The following TBC1D8 variants were observed in gnomAD, a reference collection of about 807,000 sequenced individuals.
TBC1D8 encodes BUB2-like protein 1.
Under a neutral mutation model 118.8 loss-of-function variants are expected in TBC1D8, and 65 were observed. The ratio of observed to expected loss-of-function variants is 0.55; its 90% CI spans 0.45 to 0.67. The LOEUF is 0.67. TBC1D8 is among the 30% of genes least tolerant of loss of function. TBC1D8 has a pLI of 0.00. For synonymous variants in TBC1D8, 566 were observed against 595.8 expected (o/e 0.95, Z 0.73); for missense variants, 1,376 against 1,471.2 (o/e 0.94, Z 1.06).
chr2:101,017,416 G>A (rs1573870338), intron 17 of TBC1D8, among the ~76,000 whole-genome samples: 1 of 152,288 alleles, frequency 6.6e-6, no homozygotes, highest in East Asian at 1.9e-4. Flanking sequence ...AACGGCAATA[G>A]AGTTGTTTAC....
In TBC1D8 at chr2:101,033,639, C is replaced by G. The variant is rs766371074; in HGVS notation, c.1723G>C (p.Glu575Gln). The G allele has an allele frequency of 6.2e-7, 1 of 1,613,984 alleles. No individual in the cohort carries two copies. Among genetic ancestry groups the G allele is most frequent in the Admixed American group, 1.7e-5 (1 of 60,030 alleles). Residue 575 changes from glutamate to glutamine, a missense_variant, in exon 10 of 20, where the codon GAG (glutamate) becomes CAG (glutamine). Coordinates refer to ENST00000409318, the MANE Select transcript of TBC1D8 (RefSeq NM_001330348.2). ...GTTTCGTTCTGGAAGGCGGGGTGCT[C>G]TGGCAGGGAGCGGTGCAGGTCTCGT... ...IERDLHRSLP[E>Q]HPAFQNETGI...
Position 101,015,767 on chromosome 2 carries a change from C to T in TBC1D8, c.2828-4227G>A, listed in dbSNP as rs560037529. On this transcript the variant is annotated intron_variant, in intron 17 of 19. Coordinates refer to ENST00000409318, the MANE Select transcript of TBC1D8 (RefSeq NM_001330348.2). ...AGAACAGAGCCCTCAGAAACAACGC[C>T]GCATATCCACAACTACATGATCTTT... 3.3e-5 allele frequency among the ~76,000 whole-genome samples: 5 copies of T among 152,106 alleles called. No individual in the cohort carries two copies. In the South Asian group the frequency reaches 6.2e-4, roughly 19 times the overall value.
At chr2:101,129,001 T>C (rs1678470808) in intron 1 of TBC1D8, among the ~76,000 whole-genome samples, 1 of 152,172 alleles carries the variant, frequency 6.6e-6, no homozygotes, top group Admixed American at 6.5e-5. Context: ...TTAGAGAAGA[T>C]GAAAAAGTTC....
At chr2:101,053,933 C>G (rs1682221992) in intron 4 of TBC1D8, among the ~76,000 whole-genome samples, 175 bp downstream of exon 4, 1 of 152,202 alleles carries the variant, frequency 6.6e-6, no homozygotes, top group Non-Finnish European at 1.5e-5. Context: ...AGTGAATTCT[C>G]CAGATCTAAT....
chr2:101,075,258 C>T (rs975560916), intron 2 of TBC1D8, among the ~76,000 whole-genome samples: 1 of 151,982 alleles, frequency 6.6e-6, no homozygotes, highest in South Asian at 2.1e-4. Context: ...ATTAGCCAGG[C>T]GTGGTGGCAC....
chr2:101,090,111 G>A (rs1455370288), intron 2 of TBC1D8, 98 bp downstream of exon 2: 59 of 1,341,138 alleles, frequency 4.4e-5, no homozygotes, highest in Non-Finnish European at 5.7e-5. Flanking sequence ...AGATGAGGGA[G>A]TTATCCAAAG....
intron 1 of TBC1D8, among the ~76,000 whole-genome samples, chr2:101,143,509 C>T (rs1679200390): frequency 6.6e-6 from 1 of 152,162 alleles, no homozygotes; most frequent in Non-Finnish European, 1.5e-5. Flanking sequence ...AGGAATAAGT[C>T]TGGTTCTGTA....
intron 1 of TBC1D8, among the ~76,000 whole-genome samples, chr2:101,110,620 T>C (rs1042641145): frequency 5.9e-5 from 9 of 152,316 alleles, no homozygotes; most frequent in African/African-American, 1.7e-4. Context: ...GCTGTCTTCA[T>C]GCTAGGGCTG....
At chr2:101,042,771 A>G (rs1386369284) in intron 5 of TBC1D8, among the ~76,000 whole-genome samples, 1 of 151,778 alleles carries the variant, frequency 6.6e-6, no homozygotes, top group Non-Finnish European at 1.5e-5. Flanking sequence ...AACCTTAGCT[A>G]TTTTCTTTAG....
At chr2:101,150,969 G>T (rs1679537303) in intron 1 of TBC1D8, among the ~76,000 whole-genome samples, 158 bp downstream of exon 1, 3 of 151,908 alleles carry the variant, frequency 2.0e-5, no homozygotes, top group South Asian at 4.2e-4. Flanking sequence ...CGGGAGAAAC[G>T]CAGAAAAAAG....
At chr2:101,040,418 T>G (rs1219347422) in intron 5 of TBC1D8, 33 bp from the exon 6 acceptor site, 2 of 1,554,348 alleles carry the variant, frequency 1.3e-6, no homozygotes, top group South Asian at 1.2e-5. Context: ...GAAGAAGAGA[T>G]AGGAAAGGTG....
At chr2:101,147,607 G>A (rs951410094) in intron 1 of TBC1D8, among the ~76,000 whole-genome samples, 7 of 152,178 alleles carry the variant, frequency 4.6e-5, no homozygotes, top group African/African-American at 1.7e-4. Flanking sequence ...TAGTGATGCT[G>A]GGCATGTTTG....
At chr2:101,118,646 G>A (rs1256485772) in intron 1 of TBC1D8, among the ~76,000 whole-genome samples, 3 of 146,362 alleles carry the variant, frequency 2.0e-5, no homozygotes, top group Non-Finnish European at 3.0e-5. Context: ...GCAGTGAGCC[G>A]AGATGGCGCC....
chr2:101,094,969 G>A (rs1412566769), intron 1 of TBC1D8, among the ~76,000 whole-genome samples: 1 of 152,206 alleles, frequency 6.6e-6, no homozygotes, highest in Non-Finnish European at 1.5e-5. Flanking sequence ...TATAGCTTCT[G>A]CTGGAGCCAT....
intron 1 of TBC1D8, among the ~76,000 whole-genome samples, chr2:101,094,654 G>A (rs1676272690): frequency 6.6e-6 from 1 of 152,090 alleles, no homozygotes; most frequent in Non-Finnish European, 1.5e-5. Flanking sequence ...ACAAGACTCA[G>A]GTGCTTTTGC....
intron 5 of TBC1D8, among the ~76,000 whole-genome samples, chr2:101,048,932 T>C (rs1308793050): frequency 6.6e-6 from 1 of 152,222 alleles, no homozygotes; most frequent in Non-Finnish European, 1.5e-5. Flanking sequence ...GTAGCATGGG[T>C]CAGAATTTCC....
At chr2:101,095,408 C>A (rs1294597005) in intron 1 of TBC1D8, among the ~76,000 whole-genome samples, 5 of 141,344 alleles carry the variant, frequency 3.5e-5, no homozygotes, top group Non-Finnish European at 7.7e-5. Flanking sequence ...CCCCCTCCCC[C>A]CACCCCACAA....
intron 2 of TBC1D8, among the ~76,000 whole-genome samples, chr2:101,059,847 G>A (rs1682661476): frequency 6.6e-6 from 1 of 152,176 alleles, no homozygotes; most frequent in Non-Finnish European, 1.5e-5. Flanking sequence ...GCTGAGGCAG[G>A]AGAATGGCAT....
At chr2:101,014,483 C>T (rs1420397373) in intron 17 of TBC1D8, among the ~76,000 whole-genome samples, 3 of 152,154 alleles carry the variant, frequency 2.0e-5, no homozygotes, top group African/African-American at 4.8e-5. Flanking sequence ...TTCATCAACA[C>T]ATCATCCCTT....
Sources: allele counts gnomAD v4.1 joint callset (sites outside exome capture counted in the v4.1 genomes callset), GRCh38; gene constraint gnomAD v4.1.1; transcripts MANE v1.5; gene names NCBI Gene and HGNC (gene_info 2026-07-23, HGNC 2026-07-21).